Variants in FUT8 observed in about 807,000 individuals in gnomAD.
The protein encoded by FUT8 is alpha-(1,6)-fucosyltransferase.
In FUT8, 29 loss-of-function variants were observed where a neutral mutation model predicts 71.3. The observed-to-expected ratio is 0.41, with a 90% confidence interval of 0.30 to 0.55. The LOEUF (loss-of-function observed/expected upper bound fraction) is 0.55. Among genes scored for constraint, FUT8 ranks in the 20% least tolerant of loss-of-function variants. The pLI, the probability that FUT8 is intolerant of heterozygous loss-of-function variation, is 0.34. For missense variants in FUT8, 544 were observed against 702.1 expected, an observed-to-expected ratio of 0.77 and a Z score of 2.55; for synonymous variants, 254 against 239.3, an observed-to-expected ratio of 1.06 and a Z score of -0.57.
chr14:65,534,367 CT>C (rs1239411529), intron 2 of FUT8, among the ~76,000 whole-genome samples: 2 of 151,362 alleles, frequency 1.3e-5, no homozygotes, highest in Non-Finnish European at 2.9e-5. Context: ...CTGGAGTTCT[CT>C]TTCTTTGTTG....
chr14:65,564,218 A>G (rs1594772916), intron 3 of FUT8, among the ~76,000 whole-genome samples: 1 of 152,042 alleles, frequency 6.6e-6, no homozygotes, highest in Non-Finnish European at 1.5e-5. Context: ...TCTTTTTCAT[A>G]TAAGAAAATG....
At chr14:65,511,971 T>TA (rs1330375277) in intron 2 of FUT8, among the ~76,000 whole-genome samples, 1 of 152,158 alleles carries the variant, frequency 6.6e-6, no homozygotes, top group Non-Finnish European at 1.5e-5. Context: ...GGTCTTCCCT[T>TA]ACGTCTTTCT....
At chr14:65,437,299 A>G (rs1035007564) in intron 1 of FUT8, among the ~76,000 whole-genome samples, 1 of 152,214 alleles carries the variant, frequency 6.6e-6, no homozygotes, top group Non-Finnish European at 1.5e-5. Flanking sequence ...AATTGAAAGC[A>G]TTTACTACCT....
At chr14:65,650,730 CA>C (rs374138566) in intron 6 of FUT8, among the ~76,000 whole-genome samples, 1 of 117,192 alleles carries the variant, frequency 8.5e-6, no homozygotes, top group Non-Finnish European at 1.8e-5. Context: ...AAAAAAAAAA[CA>C]AAAAAAACCA....
At chr14:65,455,353 A>T (rs1230498317) in intron 1 of FUT8, among the ~76,000 whole-genome samples, 1 of 152,246 alleles carries the variant, frequency 6.6e-6, no homozygotes, top group Non-Finnish European at 1.5e-5. Flanking sequence ...AAAGCAAGTT[A>T]TATGAGCGCT....
chr14:65,429,864 A>G, intron 1 of FUT8, among the ~76,000 whole-genome samples: 1 of 36,832 alleles, frequency 2.7e-5, no homozygotes, highest in Non-Finnish European at 7.1e-5. Flanking sequence ...ACTGTCTCAA[A>G]AAAAAAAAAA....
At chr14:65,391,110 C>A in the FUT8 span, among the ~76,000 whole-genome samples, 3 of 152,178 alleles carry the variant, frequency 2.0e-5, no homozygotes, top group African/African-American at 7.2e-5. Flanking sequence ...AGGGAAAGAA[C>A]AAGACCATTT....
intron 10 of FUT8, among the ~76,000 whole-genome samples, chr14:65,740,705 A>T (rs1020565197): frequency 1.3e-5 from 2 of 151,852 alleles, no homozygotes; most frequent in African/African-American, 4.8e-5. Context: ...AAACAATCAG[A>T]TCTCACGAGA....
the FUT8 span, among the ~76,000 whole-genome samples, chr14:65,388,650 T>C: frequency 6.6e-6 from 1 of 152,062 alleles, no homozygotes; most frequent in Non-Finnish European, 1.5e-5. Flanking sequence ...TAATCCCAGC[T>C]ACTCAGGAGG....
chr14:65,568,518 AT>A (rs796730935), intron 3 of FUT8, among the ~76,000 whole-genome samples: 17 of 147,650 alleles, frequency 1.2e-4, no homozygotes, highest in East Asian at 2.0e-4. Flanking sequence ...TTGTATTGTG[AT>A]TTTTTTTTTC....
intron 2 of FUT8, among the ~76,000 whole-genome samples, chr14:65,482,330 CT>C (rs147097948): frequency 1.5e-4 from 22 of 146,858 alleles, no homozygotes; most frequent in Admixed American, 3.4e-4. Flanking sequence ...CTTTGTCTTT[CT>C]TTTTTTTTTG....
chr14:65,620,577 T>G (rs1379237814), intron 5 of FUT8, among the ~76,000 whole-genome samples: 1 of 152,224 alleles, frequency 6.6e-6, no homozygotes, highest in Non-Finnish European at 1.5e-5. Flanking sequence ...TCATTCTGTT[T>G]GGAAGGTCCA....
intron 1 of FUT8, among the ~76,000 whole-genome samples, chr14:65,441,517 A>C (rs8003464): frequency 1.3e-5 from 2 of 151,754 alleles, no homozygotes; most frequent in Admixed American, 6.6e-5. Flanking sequence ...AAGGCAGGTT[A>C]ATCACCTGAG....
chr14:65,427,495 G>A (rs1270953536), intron 1 of FUT8, among the ~76,000 whole-genome samples: 1 of 152,118 alleles, frequency 6.6e-6, no homozygotes, highest in Non-Finnish European at 1.5e-5. Context: ...AGGTGATACA[G>A]AATTGTGGTT....
intron 2 of FUT8, chr14:65,471,140 AATTAGATCT>A (rs2066138787): frequency 4.7e-6 from 2 of 421,102 alleles, no homozygotes; most frequent in East Asian, 9.0e-5. Flanking sequence ...ATAGTCCTGT[AATTAGATCT>A]CAGGACTATA....
At chr14:65,477,716 A>G (rs1418588813) in intron 2 of FUT8, among the ~76,000 whole-genome samples, 1 of 152,166 alleles carries the variant, frequency 6.6e-6, no homozygotes, top group Non-Finnish European at 1.5e-5. Context: ...TTTGCCTAAG[A>G]GCAAATCATA....
chr14:65,471,106 T>C (rs747027787), intron 2 of FUT8: 11 of 462,844 alleles, frequency 2.4e-5, no homozygotes, highest in African/African-American at 4.1e-5. Flanking sequence ...GTGGTAAGGG[T>C]AGAGGGATGA....
the FUT8 span, among the ~76,000 whole-genome samples, chr14:65,386,160 AAAG>A: frequency 1.3e-5 from 2 of 151,554 alleles, no homozygotes; most frequent in African/African-American, 2.4e-5. Context: ...TAAAAAAAAA[AAAG>A]AAGTTCAGTG....
At chr14:65,699,770 C>T (rs1037747257) in intron 7 of FUT8, among the ~76,000 whole-genome samples, 1 of 152,168 alleles carries the variant, frequency 6.6e-6, no homozygotes, top group Admixed American at 6.6e-5. Context: ...TTATTCCTTA[C>T]AACCAGTGAA....
Sources: gnomAD v4.1 joint callset for allele counts (sites outside exome capture counted in the v4.1 genomes callset) on GRCh38, gnomAD v4.1.1 for gene constraint, MANE v1.5 for transcripts, NCBI Gene and HGNC (gene_info 2026-07-23, HGNC 2026-07-21) for gene names.